Variants in IMMP2L observed in about 807,000 individuals in gnomAD.
IMMP2L encodes inner mitochondrial membrane peptidase subunit 2.
IMMP2L carries 18 observed loss-of-function variants against 19.3 expected under a neutral mutation model. The observed-to-expected ratio is 0.93, with a 90% confidence interval of 0.64 to 1.38. IMMP2L has a LOEUF of 1.38. IMMP2L is among the 40% of genes most tolerant of loss of function. IMMP2L has a pLI of 0.00. For synonymous variants in IMMP2L, 76 were observed against 73.0 expected (o/e 1.04, Z -0.21); for missense variants, 233 against 218.2 (o/e 1.07, Z -0.43).
intron 3 of IMMP2L, among the ~76,000 whole-genome samples, chr7:111,088,112 C>T (rs990965971): frequency 3.3e-5 from 5 of 152,040 alleles, no homozygotes; most frequent in African/African-American, 1.2e-4. Flanking sequence ...GTCCAGGCTA[C>T]TTTTCTAAGA....
chr7:111,072,901 CAAAAAAA>C (rs34223033), intron 3 of IMMP2L, among the ~76,000 whole-genome samples: 1 of 72,914 alleles, frequency 1.4e-5, no homozygotes, highest in Admixed American at 1.5e-4. Context: ...AGACTGTCTC[CAAAAAAA>C]AAAAAAAAAA....
At chr7:111,299,573 GAAAAAAAA>G (rs71147472) in intron 3 of IMMP2L, among the ~76,000 whole-genome samples, 1 of 118,664 alleles carries the variant, frequency 8.4e-6, no homozygotes, top group Non-Finnish European at 1.9e-5. Flanking sequence ...AGCTGAAGCA[GAAAAAAAA>G]AAAAAAAAAG....
intron 3 of IMMP2L, among the ~76,000 whole-genome samples, chr7:111,310,594 C>A (rs1823407543): frequency 6.6e-6 from 1 of 152,016 alleles, no homozygotes; most frequent in Non-Finnish European, 1.5e-5. Context: ...TTAAAATTTT[C>A]CACTAATAAT....
intron 2 of IMMP2L, among the ~76,000 whole-genome samples, chr7:111,505,654 G>C (rs1020301054): frequency 1.3e-5 from 2 of 152,112 alleles, no homozygotes; most frequent in African/African-American, 4.8e-5. Context: ...AAAATGATGA[G>C]TTCATGTCCT....
intron 3 of IMMP2L, among the ~76,000 whole-genome samples, chr7:111,088,871 A>C (rs1046533654): frequency 6.6e-5 from 10 of 152,162 alleles, no homozygotes; most frequent in Non-Finnish European, 1.0e-4. Flanking sequence ...AAAGCTGCTG[A>C]TGCTCTTGGA....
intron 3 of IMMP2L, among the ~76,000 whole-genome samples, chr7:111,428,124 T>C (rs1836266595): frequency 6.6e-6 from 1 of 151,852 alleles, no homozygotes; most frequent in African/African-American, 2.4e-5. Context: ...TATGTTCCTT[T>C]TTTTAGAATT....
intron 5 of IMMP2L, among the ~76,000 whole-genome samples, chr7:110,852,982 C>A (rs1806391713): frequency 6.6e-6 from 1 of 152,064 alleles, no homozygotes. Context: ...GAAGATACTG[C>A]TGTTTTAAAC....
intron 3 of IMMP2L, among the ~76,000 whole-genome samples, chr7:111,039,552 A>C (rs2129570619): frequency 6.6e-6 from 1 of 152,282 alleles, no homozygotes; most frequent in Middle Eastern, 3.4e-3. Flanking sequence ...AGCGCAATTC[A>C]AAAAAATTCT....
chr7:110,692,094 G>A (rs575497343), intron 5 of IMMP2L, among the ~76,000 whole-genome samples: 26 of 152,070 alleles, frequency 1.7e-4, no homozygotes, highest in African/African-American at 4.8e-4. Flanking sequence ...AAGAAAATGC[G>A]GTGTGTGTAA....
intron 2 of IMMP2L, among the ~76,000 whole-genome samples, chr7:111,494,838 G>A (rs1843442569): frequency 6.6e-6 from 1 of 152,016 alleles, no homozygotes; most frequent in South Asian, 2.1e-4. Context: ...CTTTCCACAA[G>A]ATTTAAGAAA....
rs1797049209 is a variant in IMMP2L at position 111,093,219 on chromosome 7, C to CT, written c.240-129655dup. 2.0e-5 allele frequency among the ~76,000 whole-genome samples: 3 copies of CT among 152,162 alleles called. 1 individual carries two copies. The highest frequency in any genetic ancestry group is 1.3e-4 in the Admixed American group (2 of 15,264). ...CCTGCTCAGAGAAAAATGAAAGGTG[C>CT]TGAAGCATCAGCTTGCAATATTGGC... On this transcript the variant is annotated intron_variant, in intron 3 of 5. Transcript: ENST00000405709.
intron 3 of IMMP2L, among the ~76,000 whole-genome samples, chr7:111,253,927 C>T (rs1239479048): frequency 2.6e-5 from 4 of 152,080 alleles, no homozygotes; most frequent in African/African-American, 9.7e-5. Context: ...TTAGGTGAAA[C>T]ATACTGATTG....
intron 5 of IMMP2L, among the ~76,000 whole-genome samples, chr7:110,822,936 C>T (rs997976430): frequency 3.3e-5 from 5 of 151,994 alleles, no homozygotes; most frequent in African/African-American, 7.2e-5. Context: ...GTACCTGGCA[C>T]GGGATCTGGC....
At chr7:111,124,081 G>A (rs774528058) in intron 3 of IMMP2L, 7 of 1,613,802 alleles carry the variant, frequency 4.3e-6, no homozygotes, top group Non-Finnish European at 5.1e-6. Context: ...TGTAGAAGCT[G>A]GGAGCTATGT....
At chr7:110,833,450 A>AT (rs1804153624) in intron 5 of IMMP2L, among the ~76,000 whole-genome samples, 1 of 150,526 alleles carries the variant, frequency 6.6e-6, no homozygotes, top group African/African-American at 2.4e-5. Flanking sequence ...AAAAAAAAAA[A>AT]AAAAAAGAGA....
rs533879740 is a variant in IMMP2L at position 111,098,805 on chromosome 7, T to G, written c.240-135240A>C. ...CGAAAAGGAACCTAGGTTAGTTAGC[T>G]CGAAAGAACAAGCCTTTGTGCATGA... On this transcript the variant is annotated intron_variant, in intron 3 of 5. Coordinates refer to ENST00000405709, the MANE Select transcript of IMMP2L (RefSeq NM_032549.4). 2.9e-4 allele frequency among the ~76,000 whole-genome samples: 44 copies of G among 151,818 alleles called. 1 individual carries two copies. The South Asian group carries it at 8.9e-3, about 31-fold the overall frequency.
chr7:110,733,372 G>A (rs1012657647), intron 5 of IMMP2L, among the ~76,000 whole-genome samples: 5 of 151,974 alleles, frequency 3.3e-5, no homozygotes, highest in African/African-American at 9.7e-5. Context: ...GAACCTCTGC[G>A]AGTCTGTACA....
intron 3 of IMMP2L, among the ~76,000 whole-genome samples, chr7:111,302,648 A>ATGACT (rs1822396226): frequency 2.0e-5 from 3 of 152,140 alleles, no homozygotes; most frequent in Admixed American, 2.0e-4. Context: ...ACATCTACTA[A>ATGACT]AAGAGCATTA....
intron 5 of IMMP2L, among the ~76,000 whole-genome samples, chr7:110,689,447 CTG>C (rs745814681): frequency 1.3e-5 from 2 of 152,154 alleles, no homozygotes; most frequent in African/African-American, 4.8e-5. Context: ...AGTTTGTAGA[CTG>C]TCTTTTTACT....
Sources: allele counts gnomAD v4.1 joint callset (sites outside exome capture counted in the v4.1 genomes callset), GRCh38; gene constraint gnomAD v4.1.1; transcripts MANE v1.5; gene names NCBI Gene and HGNC (gene_info 2026-07-23, HGNC 2026-07-21).